Variants in LCP2 observed in about 807,000 individuals in gnomAD.
The protein encoded by LCP2 is lymphocyte cytosolic protein 2.
Under a neutral mutation model 74.5 loss-of-function variants are expected in LCP2, and 29 were observed. The ratio of observed to expected loss-of-function variants is 0.39; its 90% CI spans 0.29 to 0.53. The LOEUF (loss-of-function observed/expected upper bound fraction) is 0.53. LCP2 is among the 20% of genes least tolerant of loss of function. LCP2 has a pLI of 0.72. For synonymous variants in LCP2, 228 were observed against 229.5 expected, an observed-to-expected ratio of 0.99 and a Z score of 0.06; for missense variants, 604 against 634.6, an observed-to-expected ratio of 0.95 and a Z score of 0.52.
intron 17 of LCP2, among the ~76,000 whole-genome samples, chr5:170,253,687 G>C (rs550325194): frequency 4.0e-4 from 61 of 152,308 alleles, no homozygotes; most frequent in African/African-American, 1.3e-3. Context: ...AGAAATGTAA[G>C]TGACCCAAGA....
At chr5:170,266,957 T>G in intron 9 of LCP2, 52 bp downstream of exon 9, 1 of 1,610,798 alleles carries the variant, frequency 6.2e-7, no homozygotes, top group South Asian at 1.1e-5. Flanking sequence ...TGGGCGGGGC[T>G]AGGGGAGTGC....
rs761271050 is a variant in LCP2 at position 170,272,029 on chromosome 5, G to T, written c.325-1112C>A. On this transcript the variant is annotated intron_variant, in intron 6 of 20. Transcript: ENST00000046794. ...AAAAGACTTTGTCCTGCCCTGTCAG[G>T]GTTCTTATAACTTTAGGAGCAGGTG... is the stretch of plus-strand genomic sequence containing the variant. Among the ~76,000 whole-genome samples the T allele has an allele frequency of 4.6e-5, 7 of 152,284 alleles. 1 individual carries two copies. The highest frequency in any genetic ancestry group is 7.4e-5 in the Non-Finnish European group (5 of 68,020).
chr5:170,278,638 C>T (rs189529884), intron 3 of LCP2, among the ~76,000 whole-genome samples: 22 of 152,162 alleles, frequency 1.4e-4, no homozygotes, highest in Admixed American at 9.8e-4. Flanking sequence ...CGCCCTCCTC[C>T]TACAGAGTTT....
In LCP2 at chr5:170,275,984, T is replaced by C. The variant is rs991927262; in HGVS notation, c.189-124A>G. On this transcript the variant is annotated intron_variant, in intron 3 of 20. Transcript: ENST00000046794. ...CCAGGGCCAACTTTGGCCAGGCTCC[T>C]CTTTGTCACCTCTGCAGGGACCCTC... The C allele has an allele frequency of 9.5e-6, 7 of 738,746 alleles. No individual in the cohort carries two copies. The African/African-American group carries it at 1.2e-4, about 13-fold the overall frequency. The allele number at this position is 738,746 out of a possible 1,614,324, so 45.8% of individuals were successfully genotyped here. A position where few individuals can be genotyped will look rare whatever the true frequency, so the allele number is the denominator to read the frequency against.
intron 2 of LCP2, among the ~76,000 whole-genome samples, chr5:170,288,551 G>A (rs999969624): frequency 1.3e-5 from 2 of 152,198 alleles, no homozygotes; most frequent in African/African-American, 2.4e-5. Context: ...GCTTTCTTGA[G>A]GGAACTGAGA....
At chr5:170,265,708 G>C (rs1418643801) in intron 10 of LCP2, among the ~76,000 whole-genome samples, 1 of 152,194 alleles carries the variant, frequency 6.6e-6, no homozygotes, top group Non-Finnish European at 1.5e-5. Context: ...GCAGCGAGCA[G>C]CAGCCTCATA....
chr5:170,258,795 T>C (rs1433424857), intron 15 of LCP2, 71 bp downstream of exon 15: 1 of 1,126,928 alleles, frequency 8.9e-7, no homozygotes, highest in East Asian at 2.5e-5. Context: ...ACTAAACAAT[T>C]CCACTTGAAT....
chr5:170,278,424 A>G (rs1470210208), intron 3 of LCP2, among the ~76,000 whole-genome samples: 15 of 7,812 alleles, frequency 1.9e-3, no homozygotes, highest in Admixed American at 4.4e-3. Context: ...GGCGGGGGGG[A>G]TGGGAGTGCA....
At chr5:170,249,919 G>T (rs573216755) in intron 20 of LCP2, among the ~76,000 whole-genome samples, 5 of 152,290 alleles carry the variant, frequency 3.3e-5, no homozygotes, top group Admixed American at 3.3e-4. Context: ...ATCTTGAAGG[G>T]CAAATACCTC....
rs117410182 is a variant in LCP2, at chr5:170,266,742, G to A, written c.772+66C>T. 845 of 1,321,040 alleles carry A rather than the reference G, an allele frequency of 6.4e-4. 14 individuals are homozygous for A. In the East Asian group the frequency reaches 0.019, roughly 30 times the overall value. The allele number at this position is 1,321,040 out of a possible 1,614,324, so 81.8% of individuals were successfully genotyped here. A position where few individuals can be genotyped will look rare whatever the true frequency, so the allele number is the denominator to read the frequency against. On this transcript the variant is annotated intron_variant, in intron 10 of 20. Coordinates refer to ENST00000046794, the MANE Select transcript of LCP2 (RefSeq NM_005565.5). ...TTAAATGAGATGGTACATGTGAAAC[G>A]TATGCAGGAAGCACTTTATAACAGC... is the stretch of plus-strand genomic sequence containing the variant.
At chr5:170,250,980 A>G in intron 19 of LCP2, 95 bp from the exon 20 acceptor site, 1 of 952,836 alleles carries the variant, frequency 1.0e-6, no homozygotes, top group East Asian at 2.5e-5. Flanking sequence ...GATCTGACAA[A>G]CATGTCAGTT....
Position 170,246,236 on chromosome 5 carries a change from A to G in LCP2, c.*2461T>C. The G allele has an allele frequency of 1.2e-6, 1 of 803,790 alleles. No individual in the cohort carries two copies. The highest frequency in any genetic ancestry group is 1.8e-6 in the Non-Finnish European group (1 of 541,178). 49.8% of individuals were successfully genotyped at this position (803,790 alleles called of 1,614,324 possible). On this transcript the variant is annotated 3_prime_UTR_variant, in exon 21 of 21. Transcript: ENST00000046794. ...TAAAAATAATGTAAACAAGCAGTTC[A>G]TGTTCTTGAAGGCTGTTTAATGTTT...
chr5:170,265,287 A>G (rs9313498), intron 10 of LCP2, among the ~76,000 whole-genome samples: 24,542 of 152,068 alleles, frequency 0.16, 2,878 homozygotes, highest in African/African-American at 0.33. Context: ...ATGCCCAGCA[A>G]AATTTGCCAA....
chr5:170,274,813 A>G (rs1029005246), intron 5 of LCP2, among the ~76,000 whole-genome samples: 2 of 152,036 alleles, frequency 1.3e-5, no homozygotes, highest in Non-Finnish European at 1.5e-5. Flanking sequence ...CGTCTCTACT[A>G]AAAATACAAA....
At chr5:170,273,281 G>A (rs1203330615) in intron 6 of LCP2, among the ~76,000 whole-genome samples, 1 of 152,212 alleles carries the variant, frequency 6.6e-6, no homozygotes, top group African/African-American at 2.4e-5. Flanking sequence ...GCATGGCAAG[G>A]ATTCTGCCTC....
At chr5:170,268,765 C>G (rs1186496537) in intron 7 of LCP2, among the ~76,000 whole-genome samples, 2 of 152,172 alleles carry the variant, frequency 1.3e-5, no homozygotes, top group Non-Finnish European at 2.9e-5. Context: ...AGAAAGGCCT[C>G]TTTGTAACCA....
At chr5:170,262,492 G>A in intron 13 of LCP2, 143 bp downstream of exon 13, 1 of 622,726 alleles carries the variant, frequency 1.6e-6, no homozygotes, top group Non-Finnish European at 2.9e-6. Flanking sequence ...TGTGAAGCCT[G>A]AACATCCCTC....
chr5:170,258,633 A>T (rs1761602024), intron 15 of LCP2: 2 of 444,628 alleles, frequency 4.5e-6, no homozygotes, highest in South Asian at 1.1e-4. Flanking sequence ...TTTGTGATAC[A>T]ATTAAATAAT....
At chr5:170,287,284 T>TAAAAC (rs754087514) in intron 3 of LCP2, among the ~76,000 whole-genome samples, 7 of 152,226 alleles carry the variant, frequency 4.6e-5, no homozygotes, top group Non-Finnish European at 8.8e-5. Context: ...CCAATGATGA[T>TAAAAC]AAAACAAAAC....
Sources: gnomAD v4.1 joint callset for allele counts (sites outside exome capture counted in the v4.1 genomes callset) on GRCh38, gnomAD v4.1.1 for gene constraint, MANE v1.5 for transcripts, NCBI Gene and HGNC (gene_info 2026-07-23, HGNC 2026-07-21) for gene names.